The following PRKAR2A variants were observed in gnomAD, a reference collection of about 807,000 sequenced individuals.
PRKAR2A encodes the protein cAMP-dependent protein kinase type II-alpha regulatory subunit.
Under a neutral mutation model 51.9 loss-of-function variants are expected in PRKAR2A, and 29 were observed. The observed-to-expected ratio is 0.56, with a 90% CI of 0.42 to 0.76. PRKAR2A has a LOEUF of 0.76. PRKAR2A is among the 30% of genes least tolerant of loss of function. The pLI is 0.00. For synonymous variants in PRKAR2A, 178 were observed against 186.2 expected (o/e 0.96, Z 0.36); for missense variants, 445 against 512.1 (o/e 0.87, Z 1.26).
chr3:48,762,472 A>G (rs2081878041), intron 8 of PRKAR2A, among the ~76,000 whole-genome samples: 1 of 152,170 alleles, frequency 6.6e-6, no homozygotes, highest in African/African-American at 2.4e-5. Context: ...AAAAAAACAC[A>G]CACATGCACA....
intron 8 of PRKAR2A, among the ~76,000 whole-genome samples, chr3:48,759,033 T>G (rs1199331962): frequency 1.3e-5 from 2 of 152,194 alleles, no homozygotes; most frequent in Non-Finnish European, 2.9e-5. Context: ...TTTACTGATT[T>G]GGTAATACTT....
At chr3:48,828,557 A>C (rs1314754781) in intron 1 of PRKAR2A, among the ~76,000 whole-genome samples, 1 of 151,732 alleles carries the variant, frequency 6.6e-6, no homozygotes, top group Non-Finnish European at 1.5e-5. Context: ...CGCCTCTACA[A>C]AAAAATAGAA....
intron 3 of PRKAR2A, 81 bp downstream of exon 3, chr3:48,793,916 T>C: frequency 1.9e-6 from 2 of 1,038,402 alleles, no homozygotes; most frequent in Non-Finnish European, 2.9e-6. Flanking sequence ...ATTATTAGCA[T>C]GATGAGTTTT....
intron 5 of PRKAR2A, among the ~76,000 whole-genome samples, chr3:48,774,442 T>A (rs1327446305): frequency 6.6e-6 from 1 of 151,858 alleles, no homozygotes; most frequent in Non-Finnish European, 1.5e-5. Flanking sequence ...ACTGGGAGGG[T>A]TGCTTGAGCC....
intron 1 of PRKAR2A, among the ~76,000 whole-genome samples, chr3:48,839,251 G>A (rs541748447): frequency 6.6e-6 from 1 of 151,096 alleles, no homozygotes; most frequent in African/African-American, 2.4e-5. Context: ...TCACATCATT[G>A]CATTCCAGCC....
At chr3:48,821,772 C>T (rs1042548899) in intron 1 of PRKAR2A, among the ~76,000 whole-genome samples, 2 of 151,398 alleles carry the variant, frequency 1.3e-5, no homozygotes, top group African/African-American at 4.9e-5. Context: ...AAAAACTAGC[C>T]GGGCATGGTG....
At chr3:48,773,202 A>C (rs1474387953) in intron 5 of PRKAR2A, 94 bp from the exon 6 acceptor site, 1 of 1,069,200 alleles carries the variant, frequency 9.4e-7, no homozygotes, top group Non-Finnish European at 1.3e-6. Context: ...TTGTTTTAAG[A>C]GATTTCCAAT....
intron 2 of PRKAR2A, among the ~76,000 whole-genome samples, chr3:48,805,053 A>G (rs1034285503): frequency 1.3e-5 from 2 of 152,084 alleles, no homozygotes; most frequent in Admixed American, 1.3e-4. Flanking sequence ...CTAGGACTAC[A>G]TGTGTGCACC....
intron 5 of PRKAR2A, among the ~76,000 whole-genome samples, chr3:48,774,978 C>T (rs2082083718): frequency 6.6e-6 from 1 of 152,072 alleles, no homozygotes. Context: ...ATGATGTTAG[C>T]TGTAGGTTTT....
chr3:48,838,940 C>T (rs933793561), intron 1 of PRKAR2A, among the ~76,000 whole-genome samples: 8 of 150,934 alleles, frequency 5.3e-5, no homozygotes, highest in East Asian at 2.0e-4. Flanking sequence ...GCCGAGATCG[C>T]GCCACTGCAC....
Position 48,772,964 on chromosome 3 carries a change from A to T in PRKAR2A, c.687T>A (p.Leu229=). ...ATIVATSEGS[L]WGLDRVTFRR... is the part of the protein sequence containing the mutation. ...GATTTCTCTCACTCACCAGTCCCCA[A>T]AGGGAGCCTTCTGAGGTAGCAACAA... is the stretch of plus-strand genomic sequence containing the variant. The change falls in exon 6 of 11, where the codon CTT becomes CTA. Residue 229 remains leucine, a synonymous_variant. Coordinates refer to ENST00000265563, the MANE Select transcript of PRKAR2A (RefSeq NM_004157.4). 6.2e-7 allele frequency: 1 copy of T among 1,612,174 alleles called. No individual in the cohort carries two copies. Among genetic ancestry groups the T allele is most frequent in the Non-Finnish European group, 8.5e-7 (1 of 1,179,096 alleles).
chr3:48,791,714 G>A (rs1224190012), intron 3 of PRKAR2A, among the ~76,000 whole-genome samples: 2 of 149,294 alleles, frequency 1.3e-5, no homozygotes, highest in Non-Finnish European at 3.0e-5. Context: ...AAACCAGCCT[G>A]ACCAACATGA....
At chr3:48,799,605 TA>T (rs1274614428) in intron 2 of PRKAR2A, among the ~76,000 whole-genome samples, 1 of 152,190 alleles carries the variant, frequency 6.6e-6, no homozygotes. Flanking sequence ...AGTATTTTAT[TA>T]TATAGTAAGC....
intron 1 of PRKAR2A, among the ~76,000 whole-genome samples, chr3:48,821,987 G>A (rs1463588531): frequency 2.6e-5 from 4 of 151,490 alleles, no homozygotes; most frequent in Non-Finnish European, 5.9e-5. Context: ...AGCACTTTGG[G>A]AGGCCAAGGC....
Position 48,752,267 on chromosome 3 carries a change from G to A in PRKAR2A, c.990C>T (p.Cys330=). The A allele has an allele frequency of 6.2e-7, 1 of 1,614,132 alleles. No individual in the cohort carries two copies. Among genetic ancestry groups the A allele is most frequent in the South Asian group, 1.1e-5 (1 of 91,074 alleles). ...GGNQEVEIAR[C]HKGQYFGELA... ...GCTCTCCAAAGTACTGCCCCTTATG[G>A]CAGCGGGCAATCTCGACCTCCTGGT... Residue 330 remains cysteine, a synonymous_variant, in exon 10 of 11, where the codon TGC becomes TGT. Coordinates refer to ENST00000265563, the MANE Select transcript of PRKAR2A (RefSeq NM_004157.4).
At chr3:48,794,150 TTTTC>T (rs957391258) in intron 2 of PRKAR2A, 101 bp from the exon 3 acceptor site, 13 of 925,662 alleles carry the variant, frequency 1.4e-5, no homozygotes, top group Non-Finnish European at 1.9e-5. Flanking sequence ...CACTGTTTTC[TTTTC>T]TTTTTTTTTT....
intron 4 of PRKAR2A, among the ~76,000 whole-genome samples, chr3:48,790,213 T>C (rs1429111941): frequency 6.6e-6 from 1 of 152,154 alleles, no homozygotes; most frequent in Admixed American, 6.6e-5. Flanking sequence ...ATGAGACTCA[T>C]CACACTACTC....
At chr3:48,752,078 C>A (rs1027637028) in intron 10 of PRKAR2A, 98 bp downstream of exon 10, 2 of 1,391,474 alleles carry the variant, frequency 1.4e-6, no homozygotes, top group African/African-American at 1.4e-5. Flanking sequence ...TAGGCCTAGA[C>A]AGCAGTAAAA....
intron 1 of PRKAR2A, among the ~76,000 whole-genome samples, chr3:48,836,419 T>TAAAAAAAAAAAAA (rs548970318): frequency 1.2e-4 from 7 of 56,090 alleles, no homozygotes; most frequent in African/African-American, 4.5e-4. Flanking sequence ...AGACTCCGTC[T>TAAAAAAAAAAAAA]AAAAAAAAAA....
Sources: gnomAD v4.1 joint callset for allele counts (sites outside exome capture counted in the v4.1 genomes callset) on GRCh38, gnomAD v4.1.1 for gene constraint, MANE v1.5 for transcripts, NCBI Gene and HGNC (gene_info 2026-07-23, HGNC 2026-07-21) for gene names.